Variants in MYO3B observed in about 807,000 individuals in gnomAD.
MYO3B encodes the protein myosin IIIB.
In MYO3B, 156 loss-of-function variants were observed where a neutral mutation model predicts 174.6. The observed-to-expected ratio is 0.89, with a 90% CI of 0.78 to 1.02. MYO3B has a LOEUF of 1.02. Among genes scored for constraint, MYO3B ranks in the 50% least tolerant of loss-of-function variants. MYO3B has a pLI of 0.00. For synonymous variants in MYO3B, 563 were observed against 569.1 expected (o/e 0.99, Z 0.15); for missense variants, 1,632 against 1,639.4 (o/e 1.00, Z 0.08).
chr2:170,419,612 G>A (rs1280562156), intron 22 of MYO3B, among the ~76,000 whole-genome samples: 1 of 152,186 alleles, frequency 6.6e-6, no homozygotes, highest in Non-Finnish European at 1.5e-5. Flanking sequence ...TGTTAAGTGT[G>A]AGCTCCTTAA....
At chr2:170,577,552 A>G (rs1692858103) in intron 32 of MYO3B, among the ~76,000 whole-genome samples, 1 of 152,220 alleles carries the variant, frequency 6.6e-6, no homozygotes, top group Non-Finnish European at 1.5e-5. Flanking sequence ...AATAAACTCT[A>G]GTAATTTGTG....
intron 22 of MYO3B, among the ~76,000 whole-genome samples, chr2:170,434,914 C>T (rs1040873610): frequency 6.6e-6 from 1 of 152,332 alleles, no homozygotes; most frequent in African/African-American, 2.4e-5. Context: ...TCCACTTGGA[C>T]TCCCCAGATT....
At chr2:170,215,665 G>GA (rs2092820006) in intron 5 of MYO3B, among the ~76,000 whole-genome samples, 1 of 152,226 alleles carries the variant, frequency 6.6e-6, no homozygotes, top group East Asian at 1.9e-4. Context: ...AAATAAATGA[G>GA]GTTGGTTTAG....
intron 23 of MYO3B, among the ~76,000 whole-genome samples, chr2:170,460,138 G>A (rs998338912): frequency 1.3e-5 from 2 of 152,118 alleles, no homozygotes; most frequent in Non-Finnish European, 1.5e-5. Flanking sequence ...CAGAGGAGTC[G>A]CCGAGAGTAA....
At chr2:170,540,665 C>A (rs35222429) in intron 30 of MYO3B, among the ~76,000 whole-genome samples, 94,332 of 148,380 alleles carry the variant, frequency 0.64, 30,367 homozygotes, top group East Asian at 0.74. Context: ...CAAAAAACAA[C>A]AAAAAAAACA....
At chr2:170,313,718 C>G (rs1363480870) in intron 7 of MYO3B, among the ~76,000 whole-genome samples, 1 of 152,180 alleles carries the variant, frequency 6.6e-6, no homozygotes, top group African/African-American at 2.4e-5. Flanking sequence ...CTTCCTCTTT[C>G]CACGCCCACC....
At chr2:170,387,688 T>C (rs1261665270) in intron 14 of MYO3B, among the ~76,000 whole-genome samples, 2 of 152,070 alleles carry the variant, frequency 1.3e-5, no homozygotes, top group East Asian at 3.9e-4. Context: ...TTGAGACAGA[T>C]AGAGAAAACA....
chr2:170,491,230 C>T (rs1190705280), intron 25 of MYO3B, among the ~76,000 whole-genome samples: 1 of 152,050 alleles, frequency 6.6e-6, no homozygotes, highest in East Asian at 1.9e-4. Flanking sequence ...AATCTTGATA[C>T]ATTGTATTTT....
At chr2:170,399,268 AGAGAG>A (rs1558961277) in intron 16 of MYO3B, among the ~76,000 whole-genome samples, 13 of 48,990 alleles carry the variant, frequency 2.7e-4, no homozygotes, top group African/African-American at 8.0e-4. Context: ...AAAAAAAAAG[AGAGAG>A]ACCAGTCTGG....
chr2:170,386,995 G>C, intron 13 of MYO3B, 111 bp from the exon 14 acceptor site: 1 of 988,880 alleles, frequency 1.0e-6, no homozygotes, highest in Middle Eastern at 2.5e-4. Context: ...CCCAAATGGG[G>C]CTCTTTGTAA....
intron 3 of MYO3B, among the ~76,000 whole-genome samples, chr2:170,211,481 T>G (rs187048102): frequency 3.5e-4 from 53 of 152,318 alleles, no homozygotes; most frequent in Non-Finnish European, 4.7e-4. Context: ...AAGCCTCACT[T>G]AAGGTTATTA....
At chr2:170,635,468 TG>T (rs903589887) in intron 32 of MYO3B, among the ~76,000 whole-genome samples, 1 of 147,592 alleles carries the variant, frequency 6.8e-6, no homozygotes, top group Admixed American at 6.8e-5. Context: ...TGTCGTGGGG[TG>T]GGGGGAGCGG....
chr2:170,375,309 C>A (rs768673591), intron 9 of MYO3B, among the ~76,000 whole-genome samples: 8 of 152,094 alleles, frequency 5.3e-5, no homozygotes, highest in Non-Finnish European at 1.0e-4. Context: ...AAACCACTCT[C>A]TGGAATGTGA....
chr2:170,369,163 A>C (rs2094220397), intron 8 of MYO3B, 59 bp from the exon 9 acceptor site: 3 of 1,525,626 alleles, frequency 2.0e-6, no homozygotes, highest in Non-Finnish European at 1.8e-6. Flanking sequence ...TCCCATATTC[A>C]TAGGGGAACA....
chr2:170,486,007 G>GGGGAGAGA (rs1553506465), intron 25 of MYO3B, among the ~76,000 whole-genome samples: 1 of 149,848 alleles, frequency 6.7e-6, no homozygotes, highest in East Asian at 2.0e-4. Flanking sequence ...AAAGAAAGAG[G>GGGGAGAGA]GAGAGAGAGA....
chr2:170,323,777 CTTA>C (rs149125201), intron 7 of MYO3B, among the ~76,000 whole-genome samples: 5,725 of 152,218 alleles, frequency 0.038, 142 homozygotes, highest in Middle Eastern at 0.092. Flanking sequence ...TATCTAATAA[CTTA>C]TTATTGTTAG....
At chr2:170,388,019 TATA>T (rs919470797) in intron 14 of MYO3B, among the ~76,000 whole-genome samples, 1 of 152,068 alleles carries the variant, frequency 6.6e-6, no homozygotes, top group East Asian at 1.9e-4. Flanking sequence ...CTCTTCCTAT[TATA>T]ATAATAACTC....
Position 170,513,521 on chromosome 2 carries a change from C to G in MYO3B, c.3371-1400C>G, listed in dbSNP as rs538205310. 7.5e-4 allele frequency among the ~76,000 whole-genome samples: 114 copies of G among 152,312 alleles called. 1 individual carries two copies. In the South Asian group the frequency reaches 0.023, roughly 31 times the overall value. On this transcript the variant is annotated intron_variant, in intron 28 of 34. Coordinates refer to ENST00000408978, the MANE Select transcript of MYO3B (RefSeq NM_138995.5). Reference sequence around the variant, plus strand: ...CACCAGTCATTGGCTTTAGGACCCACCTTCATCCAGTATGACCTCATTTTT... The same window carrying G: ...CACCAGTCATTGGCTTTAGGACCCAGCTTCATCCAGTATGACCTCATTTTT...
chr2:170,514,971 A>G lies in MYO3B; in HGVS notation c.3421A>G (p.Thr1141Ala), dbSNP rs199505269. 18 of 1,614,104 alleles carry G rather than the reference A, an allele frequency of 1.1e-5. No homozygotes were observed. The East Asian group carries it at 4.0e-4, about 36-fold the overall frequency. ...SGPHSPVAAG[T>A]RGSAEVQDCS... ...GCCACATTCCCCCGTCGCAGCAGGTACGAGGGGAAGTGCCGAGGTTCAAGA... is the reference window on the plus strand; with the variant it reads ...GCCACATTCCCCCGTCGCAGCAGGTGCGAGGGGAAGTGCCGAGGTTCAAGA... Residue 1141 changes from threonine to alanine, a missense_variant, in exon 29 of 35, where the codon ACG becomes GCG. By Grantham distance (58) the Thr-to-Ala change is moderately conservative (BLOSUM62 0). Coordinates refer to ENST00000408978, the MANE Select transcript of MYO3B (RefSeq NM_138995.5).
Sources: gnomAD v4.1 joint callset for allele counts (sites outside exome capture counted in the v4.1 genomes callset) on GRCh38, gnomAD v4.1.1 for gene constraint, MANE v1.5 for transcripts, NCBI Gene and HGNC (gene_info 2026-07-23, HGNC 2026-07-21) for gene names.